AMBRA1: variants seen among roughly 807,000 people sequenced by gnomAD.
AMBRA1 encodes autophagy and beclin 1 regulator 1.
Under a neutral mutation model 125.4 loss-of-function variants are expected in AMBRA1, and 47 were observed. That is an observed-to-expected ratio of 0.37 (90% CI 0.30 to 0.48). The LOEUF is 0.48. AMBRA1 is among the 20% of genes least tolerant of loss of function. The pLI is 0.99. For missense variants in AMBRA1, 1,331 were observed against 1,693.4 expected, an observed-to-expected ratio of 0.79 and a Z score of 3.76; for synonymous variants, 626 against 655.5, an observed-to-expected ratio of 0.95 and a Z score of 0.69.
chr11:46,584,033 A>G (rs2044278732), intron 1 of AMBRA1, among the ~76,000 whole-genome samples: 1 of 146,858 alleles, frequency 6.8e-6, no homozygotes, highest in Non-Finnish European at 1.5e-5. Flanking sequence ...GTATATACCC[A>G]AAGGACTATA....
chr11:46,517,768 T>C (rs1302327832), intron 7 of AMBRA1, among the ~76,000 whole-genome samples: 2 of 147,300 alleles, frequency 1.4e-5, no homozygotes, highest in African/African-American at 5.0e-5. Flanking sequence ...GAGGCAGAGG[T>C]TGCAGTGAGC....
At chr11:46,454,707 C>T (rs998929330) in intron 11 of AMBRA1, among the ~76,000 whole-genome samples, 4 of 151,642 alleles carry the variant, frequency 2.6e-5, no homozygotes, top group Non-Finnish European at 4.4e-5. Context: ...GCCGAGATCA[C>T]GCCACTGCAC....
chr11:46,581,670 C>T (rs947692914), intron 1 of AMBRA1, among the ~76,000 whole-genome samples: 3 of 151,608 alleles, frequency 2.0e-5, no homozygotes, highest in African/African-American at 4.8e-5. Flanking sequence ...TGTGGTGGCA[C>T]GTGCCTGTAG....
intron 1 of AMBRA1, among the ~76,000 whole-genome samples, chr11:46,586,565 C>G (rs1386016925): frequency 1.3e-5 from 2 of 152,030 alleles, no homozygotes; most frequent in African/African-American, 4.8e-5. Flanking sequence ...AAAGTTTTCC[C>G]AAAGCATCTA....
At chr11:46,418,088 G>C (rs764647870) in intron 14 of AMBRA1, 36 bp from the exon 15 acceptor site, 1 of 1,516,040 alleles carries the variant, frequency 6.6e-7, no homozygotes. Context: ...AAGAGAATGG[G>C]AGGAGAAACA....
At chr11:46,452,882 AAT>A (rs1266511466) in intron 11 of AMBRA1, among the ~76,000 whole-genome samples, 1 of 152,122 alleles carries the variant, frequency 6.6e-6, no homozygotes, top group Non-Finnish European at 1.5e-5. Context: ...AAAATGCCCA[AAT>A]ATATATGTGT....
intron 11 of AMBRA1, among the ~76,000 whole-genome samples, chr11:46,486,598 T>C (rs186299174): frequency 5.9e-5 from 9 of 152,254 alleles, no homozygotes; most frequent in Admixed American, 5.2e-4. Flanking sequence ...ACCAGAGTAC[T>C]GGTGTTTTTA....
At position 46,424,319 on chromosome 11, in the gene AMBRA1, T is replaced by C. The variant is rs143859340; in HGVS notation, c.2977-6267A>G. 4.1e-3 allele frequency among the ~76,000 whole-genome samples: 618 copies of C among 152,244 alleles called. 2 individuals carry two copies. Among genetic ancestry groups the C allele is most frequent in the African/African-American group, 0.014 (589 of 41,532 alleles). On this transcript the variant is annotated intron_variant, in intron 14 of 17. Coordinates refer to ENST00000683756, the MANE Select transcript of AMBRA1 (RefSeq NM_001387011.1). ...TTGACAATGTGCTGCCTTCAAGGCA[T>C]TTCTAGGCAACCTCCTATGATTTGC...
chr11:46,457,290 C>A (rs1255314792), intron 11 of AMBRA1, among the ~76,000 whole-genome samples: 3 of 152,176 alleles, frequency 2.0e-5, no homozygotes, highest in Non-Finnish European at 4.4e-5. Context: ...CATTACCCAG[C>A]GACAGACAGG....
chr11:46,513,378 G>A (rs1018339336), intron 7 of AMBRA1, among the ~76,000 whole-genome samples: 5 of 150,734 alleles, frequency 3.3e-5, no homozygotes, highest in Non-Finnish European at 5.9e-5. Context: ...AACTGACAAC[G>A]TTTACTTATA....
intron 1 of AMBRA1, among the ~76,000 whole-genome samples, chr11:46,565,343 T>C (rs1337526355): frequency 6.6e-6 from 1 of 151,930 alleles, no homozygotes; most frequent in Non-Finnish European, 1.5e-5. Context: ...AAAATCAATA[T>C]ACATCACATG....
At chr11:46,533,541 T>C (rs1952317266) in intron 7 of AMBRA1, among the ~76,000 whole-genome samples, 1 of 152,194 alleles carries the variant, frequency 6.6e-6, no homozygotes, top group South Asian at 2.1e-4. Context: ...CATTCATTTG[T>C]TCAACCGTTC....
intron 1 of AMBRA1, among the ~76,000 whole-genome samples, chr11:46,563,392 TTTTC>T (rs2043403738): frequency 6.6e-6 from 1 of 152,112 alleles, no homozygotes; most frequent in South Asian, 2.1e-4. Flanking sequence ...GCCCCAGTAA[TTTTC>T]TTTATTTTTT....
intron 15 of AMBRA1, among the ~76,000 whole-genome samples, chr11:46,411,755 C>G (rs1946306870): frequency 6.6e-6 from 1 of 152,160 alleles, no homozygotes; most frequent in African/African-American, 2.4e-5. Context: ...AGGCATGAAC[C>G]ACTGCGCCCA....
intron 7 of AMBRA1, among the ~76,000 whole-genome samples, chr11:46,529,191 T>C (rs2135122981): frequency 6.6e-6 from 1 of 152,344 alleles, no homozygotes; most frequent in South Asian, 2.1e-4. Context: ...AGATTTTACA[T>C]AGTCCATTTA....
Position 46,543,007 on chromosome 11 carries a change from G to A in AMBRA1, c.1010C>T (p.Thr337Ile). The change falls in exon 7 of 18, where the codon ACT becomes ATT. Residue 337 changes from threonine (T) to isoleucine (I), a missense_variant. Physicochemically the swap from Thr to Ile is moderately conservative, Grantham distance 89. Transcript: ENST00000683756. The stretch of plus-strand genomic sequence containing the variant: ...CTGTACAAAAGAAAAGGAAGGGGTA[G>A]TAGCTCTGGCAGAAGCAGGGGGGAC... ...DSVPPASARA[T>I]TPSFSFVQTE... The A allele has an allele frequency of 6.2e-7, 1 of 1,600,356 alleles. No individual in the cohort carries two copies. The highest frequency in any genetic ancestry group is 2.2e-5 in the East Asian group (1 of 44,872).
At chr11:46,575,640 G>A (rs1004283031) in intron 1 of AMBRA1, among the ~76,000 whole-genome samples, 5 of 148,806 alleles carry the variant, frequency 3.4e-5, no homozygotes, top group Non-Finnish European at 7.4e-5. Context: ...CCTCAGCCTC[G>A]CAAGCAGCTG....
chr11:46,436,705 C>T (rs930595919), intron 12 of AMBRA1, among the ~76,000 whole-genome samples: 2 of 152,186 alleles, frequency 1.3e-5, no homozygotes, highest in East Asian at 1.9e-4. Context: ...TGGATCAACA[C>T]ATGAATCCAG....
chr11:46,425,310 T>TTGAGTG (rs767580350), intron 14 of AMBRA1, among the ~76,000 whole-genome samples: 4 of 135,498 alleles, frequency 3.0e-5, no homozygotes, highest in Non-Finnish European at 6.2e-5. Flanking sequence ...CTTGATCCAT[T>TTGAGTG]TGTGTGTGTG....
Sources: gnomAD v4.1 joint callset for allele counts (sites outside exome capture counted in the v4.1 genomes callset) on GRCh38, gnomAD v4.1.1 for gene constraint, MANE v1.5 for transcripts, NCBI Gene and HGNC (gene_info 2026-07-23, HGNC 2026-07-21) for gene names.